The following PRKN variants were observed in gnomAD, a reference collection of about 807,000 sequenced individuals.
The protein encoded by PRKN is parkin RBR E3 ubiquitin protein ligase.
A neutral mutation model predicts 59.5 loss-of-function variants in PRKN; 56 were observed. The observed-to-expected ratio is 0.94, with a 90% confidence interval of 0.76 to 1.18. The LOEUF (loss-of-function observed/expected upper bound fraction) is 1.18. PRKN is among the 50% of genes most tolerant of loss of function. The probability of loss-of-function intolerance (pLI) is 0.00; values close to 1 mark genes in which losing one functional copy is unlikely to be tolerated. For synonymous variants in PRKN, 250 were observed against 222.1 expected (o/e 1.13, Z -1.12); for missense variants, 657 against 596.4 (o/e 1.10, Z -1.06).
At chr6:161,762,990 G>C (rs1435067193) in intron 7 of PRKN, among the ~76,000 whole-genome samples, 3 of 152,126 alleles carry the variant, frequency 2.0e-5, no homozygotes, top group Non-Finnish European at 2.9e-5. Context: ...GATAAAGAGA[G>C]CATATAGAAA....
chr6:161,686,281 A>G (rs1785549897), intron 7 of PRKN, among the ~76,000 whole-genome samples: 1 of 152,102 alleles, frequency 6.6e-6, no homozygotes, highest in African/African-American at 2.4e-5. Flanking sequence ...GATTTCAGCA[A>G]TACTTTCATA....
chr6:162,408,619 T>C (rs139466234), intron 2 of PRKN, among the ~76,000 whole-genome samples: 105 of 152,294 alleles, frequency 6.9e-4, no homozygotes, highest in African/African-American at 2.5e-3. Context: ...AATAAGTTCT[T>C]GTGGAAGCAA....
chr6:161,720,271 G>A (rs991089356), intron 7 of PRKN, among the ~76,000 whole-genome samples: 8 of 152,304 alleles, frequency 5.3e-5, no homozygotes, highest in Non-Finnish European at 8.8e-5. Context: ...CAGGTATGAC[G>A]TGAAGGTCTT....
At chr6:161,949,277 C>A (rs1348768150) in intron 6 of PRKN, among the ~76,000 whole-genome samples, 1 of 152,104 alleles carries the variant, frequency 6.6e-6, no homozygotes, top group African/African-American at 2.4e-5. Context: ...TTTGGGAGGC[C>A]GAGGCGGGTG....
At chr6:162,555,548 A>G (rs1292977763) in intron 1 of PRKN, among the ~76,000 whole-genome samples, 2 of 152,158 alleles carry the variant, frequency 1.3e-5, no homozygotes, top group Non-Finnish European at 2.9e-5. Flanking sequence ...TGTTGCTGAG[A>G]TAACTCACCC....
intron 5 of PRKN, among the ~76,000 whole-genome samples, chr6:161,975,736 C>T (rs567543188): frequency 2.2e-4 from 34 of 152,278 alleles, no homozygotes; most frequent in East Asian, 2.1e-3. Flanking sequence ...TTGTTCCTAC[C>T]GCTCAGGGGC....
At chr6:162,088,211 G>C (rs2128295396) in intron 4 of PRKN, among the ~76,000 whole-genome samples, 1 of 152,288 alleles carries the variant, frequency 6.6e-6, no homozygotes, top group Non-Finnish European at 1.5e-5. Context: ...TTATGATTCA[G>C]TAAGATAAAT....
chr6:162,306,054 G>A (rs1782206722), intron 2 of PRKN, among the ~76,000 whole-genome samples: 1 of 151,810 alleles, frequency 6.6e-6, no homozygotes. Flanking sequence ...TACACAATTG[G>A]GTTATTTCTA....
intron 5 of PRKN, among the ~76,000 whole-genome samples, chr6:162,015,796 TTA>T (rs1782912917): frequency 6.6e-6 from 1 of 152,200 alleles, no homozygotes; most frequent in Non-Finnish European, 1.5e-5. Context: ...GTATGAATGC[TTA>T]TATGTTACAA....
intron 4 of PRKN, among the ~76,000 whole-genome samples, chr6:162,153,079 A>G (rs1268611177): frequency 1.3e-5 from 2 of 152,222 alleles, no homozygotes; most frequent in South Asian, 2.1e-4. Flanking sequence ...TATGATCACA[A>G]GTGTTCAAGG....
rs746516997 is a variant in PRKN, at chr6:162,201,270, G to A, written c.413-18C>T. On this transcript the variant is annotated intron_variant, in intron 3 of 11. Transcript: ENST00000366898. ...TCTACCTGCTGGAGAAGAAAAAGCA[G>A]AAGAAGTGGCTAATAATGCTGCATC... 52 of 1,613,430 alleles carry A rather than the reference G, an allele frequency of 3.2e-5. No homozygotes were observed. In the African/African-American group the frequency reaches 5.5e-4, roughly 17 times the overall value.
chr6:162,044,303 A>T (rs1784174508), intron 5 of PRKN, among the ~76,000 whole-genome samples: 1 of 152,150 alleles, frequency 6.6e-6, no homozygotes, highest in Non-Finnish European at 1.5e-5. Flanking sequence ...CGAACAAACG[A>T]AAAGGAAGTA....
intron 9 of PRKN, among the ~76,000 whole-genome samples, chr6:161,504,841 A>G (rs1778099087): frequency 6.6e-6 from 1 of 151,130 alleles, no homozygotes; most frequent in Non-Finnish European, 1.5e-5. Context: ...ATGTCCCTAC[A>G]AAGGAAATGA....
chr6:162,212,367 C>G (rs1269437534), intron 3 of PRKN, among the ~76,000 whole-genome samples: 1 of 147,064 alleles, frequency 6.8e-6, no homozygotes, highest in African/African-American at 2.5e-5. Flanking sequence ...GAATGTTGTC[C>G]CAGGAAGACA....
chr6:161,611,999 A>G (rs1410293665), intron 7 of PRKN, among the ~76,000 whole-genome samples: 1 of 152,234 alleles, frequency 6.6e-6, no homozygotes, highest in Non-Finnish European at 1.5e-5. Context: ...ACCAATCACA[A>G]TACTCCATTA....
At chr6:161,507,434 C>G (rs1284207866) in intron 9 of PRKN, among the ~76,000 whole-genome samples, 1 of 152,162 alleles carries the variant, frequency 6.6e-6, no homozygotes, top group Non-Finnish European at 1.5e-5. Flanking sequence ...ACATTATGTA[C>G]TGGTCTGCCT....
chr6:162,475,590 T>TGA (rs1554227854), intron 1 of PRKN, among the ~76,000 whole-genome samples: 13 of 151,916 alleles, frequency 8.6e-5, no homozygotes, highest in East Asian at 3.9e-4. Context: ...CATGAGTGTG[T>TGA]GTGTGTTTGC....
Position 162,223,246 on chromosome 6 carries a change from T to A in PRKN, c.413-21994A>T, listed in dbSNP as rs542766757. Among the ~76,000 whole-genome samples the A allele has an allele frequency of 5.9e-5, 9 of 152,184 alleles. No homozygotes were observed. The South Asian group carries it at 1.9e-3, about 32-fold the overall frequency. On this transcript the variant is annotated intron_variant, in intron 3 of 11. Coordinates refer to ENST00000366898, the MANE Select transcript of PRKN (RefSeq NM_004562.3). ...GTGTATATGTGCCACATTTTCTTAA[T>A]CCAGTCTATCATTGTTGGACATTTG...
At chr6:162,727,391 C>A (rs1219843426) in intron 1 of PRKN, 2 of 468,648 alleles carry the variant, frequency 4.3e-6, no homozygotes, top group South Asian at 3.2e-5. Flanking sequence ...AGCGGGGGTG[C>A]GGGGCCGCCT....
Sources: gnomAD v4.1 joint callset for allele counts (sites outside exome capture counted in the v4.1 genomes callset) on GRCh38, gnomAD v4.1.1 for gene constraint, MANE v1.5 for transcripts, NCBI Gene and HGNC (gene_info 2026-07-23, HGNC 2026-07-21) for gene names.